Variants in TMEM132D observed in about 807,000 individuals in gnomAD.
TMEM132D encodes the protein transmembrane protein 132D.
A neutral mutation model predicts 62.3 loss-of-function variants in TMEM132D; 21 were observed. That is an observed-to-expected ratio of 0.34 (90% CI 0.24 to 0.49). TMEM132D has a LOEUF of 0.49. Among genes scored for constraint, TMEM132D ranks in the 20% least tolerant of loss-of-function variants. The probability of loss-of-function intolerance (pLI) is 0.99; values close to 1 mark genes in which losing one functional copy is unlikely to be tolerated. For missense variants in TMEM132D, 1,346 were observed against 1,402.8 expected (o/e 0.96, Z 0.65); for synonymous variants, 621 against 575.6 (o/e 1.08, Z -1.13).
rs376598881 is a variant in TMEM132D, at chr12:129,881,973, G to C, written c.79+21288C>G. ...CGCTACAGATCTAAAACTACAAAAA[G>C]GCTAATAAAGCAATATCATAAACAA... On this transcript the variant is annotated intron_variant, in intron 1 of 8. Transcript: ENST00000422113. 3.3e-5 allele frequency among the ~76,000 whole-genome samples: 5 copies of C among 151,708 alleles called. No homozygotes were observed. In the East Asian group the frequency reaches 9.7e-4, roughly 29 times the overall value.
At chr12:129,076,191 C>G (rs1490409844) in intron 8 of TMEM132D, among the ~76,000 whole-genome samples, 1 of 152,166 alleles carries the variant, frequency 6.6e-6, no homozygotes, top group East Asian at 1.9e-4. Flanking sequence ...GAATGAAGCC[C>G]TCTGATGGAC....
chr12:129,484,368 CTT>C (rs1454216229), intron 3 of TMEM132D, among the ~76,000 whole-genome samples: 1 of 152,186 alleles, frequency 6.6e-6, no homozygotes, highest in Non-Finnish European at 1.5e-5. Flanking sequence ...CCAAGGGTAA[CTT>C]TATATTCTCT....
chr12:129,146,317 C>CT (rs1369960992), intron 5 of TMEM132D, among the ~76,000 whole-genome samples: 1 of 152,138 alleles, frequency 6.6e-6, no homozygotes, highest in African/African-American at 2.4e-5. Flanking sequence ...CTTTCACATC[C>CT]TTTTTTCTGA....
intron 5 of TMEM132D, among the ~76,000 whole-genome samples, chr12:129,180,712 C>T (rs1464744524): frequency 6.6e-6 from 1 of 152,200 alleles, no homozygotes; most frequent in African/African-American, 2.4e-5. Flanking sequence ...GTTTCCAGAT[C>T]TGCAGGAAGA....
chr12:129,700,334 C>T lies in TMEM132D; in HGVS notation c.444G>A (p.Leu148=). The stretch of plus-strand genomic sequence containing the variant: ...CCCAGTCTCTGCCCATGATGTGGAA[C>T]AGAACCTGCACTTTGGGCCGGCTCA... The part of the protein sequence containing the change: ...VYLSRPKVQV[L]FHIMGRDWDD... Residue 148 remains leucine, a synonymous_variant, in exon 2 of 9, where the codon CTG becomes CTA. Coordinates refer to ENST00000422113, the MANE Select transcript of TMEM132D (RefSeq NM_133448.3). The T allele has an allele frequency of 6.2e-7, 1 of 1,614,020 alleles. No homozygotes were observed.
At chr12:129,369,869 T>G (rs982616616) in intron 3 of TMEM132D, among the ~76,000 whole-genome samples, 1 of 152,230 alleles carries the variant, frequency 6.6e-6, no homozygotes, top group African/African-American at 2.4e-5. Context: ...GTAAGCTCTC[T>G]GTGCCTTGTC....
At chr12:129,577,975 T>C (rs1274150864) in intron 2 of TMEM132D, among the ~76,000 whole-genome samples, 1 of 152,216 alleles carries the variant, frequency 6.6e-6, no homozygotes, top group Non-Finnish European at 1.5e-5. Context: ...AACATCATCC[T>C]CGCCAATTCA....
chr12:129,156,278 GTAAC>G (rs1237219860), intron 5 of TMEM132D, among the ~76,000 whole-genome samples: 1 of 141,646 alleles, frequency 7.1e-6, no homozygotes, highest in African/African-American at 2.7e-5. Context: ...CTCTCCTGAA[GTAAC>G]TAACTCAGTC....
intron 4 of TMEM132D, among the ~76,000 whole-genome samples, chr12:129,295,663 G>A (rs1881557052): frequency 6.6e-6 from 1 of 151,874 alleles, no homozygotes; most frequent in East Asian, 1.9e-4. Context: ...CACATAAAAA[G>A]TCATCCCACT....
At chr12:129,758,302 C>T (rs150293480) in intron 1 of TMEM132D, among the ~76,000 whole-genome samples, 116 of 152,272 alleles carry the variant, frequency 7.6e-4, no homozygotes, top group African/African-American at 2.6e-3. Context: ...GATATTTCTT[C>T]CTCTTCAACT....
intron 5 of TMEM132D, among the ~76,000 whole-genome samples, chr12:129,151,753 G>C (rs571757964): frequency 1.3e-5 from 2 of 152,146 alleles, no homozygotes; most frequent in South Asian, 4.2e-4. Flanking sequence ...GTTGCCCCCC[G>C]TCTTCTGTCT....
At chr12:129,505,464 T>C (rs563674550) in intron 3 of TMEM132D, among the ~76,000 whole-genome samples, 31 of 152,190 alleles carry the variant, frequency 2.0e-4, no homozygotes, top group East Asian at 3.9e-4. Flanking sequence ...AGGATGGTCT[T>C]GATCTCCTGA....
At chr12:129,534,249 C>A (rs927965481) in intron 2 of TMEM132D, among the ~76,000 whole-genome samples, 3 of 152,104 alleles carry the variant, frequency 2.0e-5, no homozygotes, top group African/African-American at 7.2e-5. Context: ...AGATACTTTG[C>A]TGTAGATTTA....
chr12:129,312,553 T>C (rs1035628140), intron 4 of TMEM132D, among the ~76,000 whole-genome samples: 9 of 151,994 alleles, frequency 5.9e-5, no homozygotes, highest in African/African-American at 2.2e-4. Context: ...TTTAGAATAG[T>C]TTTTTTTGTT....
chr12:129,875,791 A>C (rs1047916123), intron 1 of TMEM132D, among the ~76,000 whole-genome samples: 1 of 152,180 alleles, frequency 6.6e-6, no homozygotes, highest in African/African-American at 2.4e-5. Flanking sequence ...CAGAAATCCA[A>C]ATTTATCTTA....
In TMEM132D at chr12:129,271,228, C is replaced by T. The variant is rs555318523; in HGVS notation, c.1300-61565G>A. On this transcript the variant is annotated intron_variant, in intron 4 of 8. Transcript: ENST00000422113. Reference sequence around the variant, plus strand: ...AATAAGACACCCAGACACCTTGCTGCCGGAAGACTGGGAGCCCCCTCCGTG... The same window carrying T: ...AATAAGACACCCAGACACCTTGCTGTCGGAAGACTGGGAGCCCCCTCCGTG... Among the ~76,000 whole-genome samples the T allele has an allele frequency of 1.2e-3, 178 of 149,388 alleles. 7 individuals are homozygous for T. The highest frequency in any genetic ancestry group is 4.4e-3 in the African/African-American group (169 of 38,828).
chr12:129,166,375 T>C (rs77184001), intron 5 of TMEM132D, among the ~76,000 whole-genome samples: 1 of 152,298 alleles, frequency 6.6e-6, no homozygotes, highest in South Asian at 2.1e-4. Context: ...CGGAGCTCCA[T>C]CTAAAGGGCC....
At chr12:129,257,707 G>C (rs552151554) in intron 4 of TMEM132D, among the ~76,000 whole-genome samples, 1 of 152,290 alleles carries the variant, frequency 6.6e-6, no homozygotes, top group South Asian at 2.1e-4. Flanking sequence ...CAGATGTAGG[G>C]AAACACAAGA....
chr12:129,690,700 A>C, intron 2 of TMEM132D, among the ~76,000 whole-genome samples: 1 of 152,208 alleles, frequency 6.6e-6, no homozygotes, highest in Non-Finnish European at 1.5e-5. Context: ...ATATGAGATA[A>C]TCACTGATAG....
Sources: gnomAD v4.1 joint callset for allele counts (sites outside exome capture counted in the v4.1 genomes callset) on GRCh38, gnomAD v4.1.1 for gene constraint, MANE v1.5 for transcripts, NCBI Gene and HGNC (gene_info 2026-07-23, HGNC 2026-07-21) for gene names.